POLN: variants seen among roughly 807,000 people sequenced by gnomAD.
The protein encoded by POLN is DNA polymerase nu.
Under a neutral mutation model 113.5 loss-of-function variants are expected in POLN, and 108 were observed. That is an observed-to-expected ratio of 0.95 (90% CI 0.81 to 1.12). The LOEUF is 1.12. Ranked by LOEUF, POLN falls within the 50% of genes most tolerant of loss-of-function variation. POLN has a pLI of 0.00. For synonymous variants in POLN, 386 were observed against 391.5 expected (o/e 0.99, Z 0.17); for missense variants, 1,097 against 1,077.1 (o/e 1.02, Z -0.26).
At chr4:2,239,131 C>A in intron 2 of POLN, 2 of 645,042 alleles carry the variant, frequency 3.1e-6, no homozygotes, top group East Asian at 2.9e-5. Flanking sequence ...CTTTAGGTGA[C>A]CAGATAATAA....
intron 11 of POLN, among the ~76,000 whole-genome samples, chr4:2,172,484 T>C (rs1434352684): frequency 3.9e-5 from 6 of 152,228 alleles, no homozygotes; most frequent in Admixed American, 6.5e-5. Flanking sequence ...AGAACACTTA[T>C]TGGCCTTTAG....
intron 7 of POLN, among the ~76,000 whole-genome samples, chr4:2,182,573 A>C (rs1395347365): frequency 1.3e-5 from 2 of 152,188 alleles, no homozygotes; most frequent in East Asian, 1.9e-4. Flanking sequence ...TAAGAAAATA[A>C]ATTTTTGTTT....
At chr4:2,177,206 A>G (rs1733018985) in intron 8 of POLN, 2 of 383,600 alleles carry the variant, frequency 5.2e-6, no homozygotes, top group Non-Finnish European at 1.0e-5. Flanking sequence ...CCTAGTTTGA[A>G]TACCCCCAGG....
intron 21 of POLN, among the ~76,000 whole-genome samples, chr4:2,082,015 C>T (rs566813572): frequency 3.7e-5 from 5 of 135,192 alleles, no homozygotes; most frequent in Admixed American, 8.3e-5. Context: ...AGTGCAGTGG[C>T]GAGATCTCAG....
At position 2,174,744 on chromosome 4, in the gene POLN, C is replaced by T; in HGVS notation, c.1256G>A (p.Gly419Asp). 2 of 1,601,732 alleles carry T rather than the reference C, an allele frequency of 1.2e-6. No individual in the cohort carries two copies. Among genetic ancestry groups the T allele is most frequent in the Non-Finnish European group, 1.7e-6 (2 of 1,169,698 alleles). The change falls in exon 10 of 26, where the codon GGT becomes GAT. Residue 419 changes from glycine (G) to aspartate (D), a missense_variant. Coordinates refer to ENST00000511885, the MANE Select transcript of POLN (RefSeq NM_181808.4). ...CAAAGTACGAAATAGTTGCCATAAA[C>T]CATAATCCTGTTTAATAGGAAGAAA... ...MDLCSKLKDY[G>D]LWQLFRTLEL...
At chr4:2,217,506 G>A (rs1020989707) in intron 3 of POLN, among the ~76,000 whole-genome samples, 2 of 152,232 alleles carry the variant, frequency 1.3e-5, no homozygotes, top group Non-Finnish European at 2.9e-5. Context: ...ACAGCTGCAT[G>A]CCCACCTCTC....
chr4:2,190,060 C>T (rs1456243545), intron 7 of POLN, among the ~76,000 whole-genome samples: 1 of 150,358 alleles, frequency 6.7e-6, no homozygotes, highest in Non-Finnish European at 1.5e-5. Flanking sequence ...GACAAAAATG[C>T]CTAAAATCTG....
At chr4:2,219,880 G>A (rs1012106960) in intron 3 of POLN, among the ~76,000 whole-genome samples, 2 of 152,136 alleles carry the variant, frequency 1.3e-5, no homozygotes, top group African/African-American at 2.4e-5. Flanking sequence ...AATCTTCATC[G>A]GGTTGTCAAA....
At chr4:2,076,919 G>A (rs1730289604) in intron 23 of POLN, 1 of 152,248 alleles carries the variant, frequency 6.6e-6, no homozygotes, top group South Asian at 2.1e-4. Context: ...GTGGGGCTGT[G>A]TCCTCAGCTA....
At chr4:2,171,328 G>A in intron 11 of POLN, 147 bp from the exon 12 acceptor site, 1 of 594,696 alleles carries the variant, frequency 1.7e-6, no homozygotes, top group Non-Finnish European at 2.9e-6. Context: ...TGAGGCAGGA[G>A]GATCACTTGA....
intron 25 of POLN, 82 bp from the exon 26 acceptor site, chr4:2,072,381 G>A: frequency 8.1e-7 from 1 of 1,227,822 alleles, no homozygotes; most frequent in Non-Finnish European, 1.1e-6. Context: ...AGGGGGACAG[G>A]GCCTACAGCA....
intron 16 of POLN, among the ~76,000 whole-genome samples, chr4:2,139,091 A>C (rs908678292): frequency 1.3e-5 from 2 of 152,012 alleles, no homozygotes; most frequent in African/African-American, 2.4e-5. Context: ...ACCACAACAA[A>C]TGGGCAGAGG....
At position 2,127,744 on chromosome 4, in the gene POLN, C is replaced by T. The variant is rs1168821808; in HGVS notation, c.1982+369G>A. Among the ~76,000 whole-genome samples the T allele has an allele frequency of 2.0e-5, 3 of 152,250 alleles. No homozygotes were observed. Among genetic ancestry groups the T allele is most frequent in the South Asian group, 2.1e-4 (1 of 4,836 alleles). ...AAGAAGCCCCTGGCCCACAGATGGG[C>T]TGGGGCGTGAGTACGCAGCAAGCAC... is the stretch of plus-strand genomic sequence containing the variant. On this transcript the variant is annotated intron_variant, in intron 19 of 25. Coordinates refer to ENST00000511885, the MANE Select transcript of POLN (RefSeq NM_181808.4). This position sits in a 1 kb window ranked among gnomAD's most constrained non-coding sequence, Gnocchi z 4.7.
In POLN at chr4:2,207,982, C is replaced by A; in HGVS notation, c.714+5G>T. The A allele has an allele frequency of 6.3e-7, 1 of 1,584,880 alleles. No individual in the cohort carries two copies. The highest frequency in any genetic ancestry group is 8.6e-7 in the Non-Finnish European group (1 of 1,169,528). On this transcript the variant is annotated splice_donor_5th_base_variant and intron_variant, in intron 5 of 25. Coordinates refer to ENST00000511885, the MANE Select transcript of POLN (RefSeq NM_181808.4). ...CAGCAAATAAAAACATCACTGTTTACTAACCTGGTCAGCTCCTAGCTGGGT... is the reference window on the plus strand; with the variant it reads ...CAGCAAATAAAAACATCACTGTTTAATAACCTGGTCAGCTCCTAGCTGGGT...
intron 13 of POLN, among the ~76,000 whole-genome samples, chr4:2,160,745 G>T: frequency 6.6e-6 from 1 of 152,120 alleles, no homozygotes; most frequent in East Asian, 1.9e-4. Context: ...CATAATTAGA[G>T]ATTTTTAATT....
At chr4:2,108,651 G>T (rs1731124770) in intron 19 of POLN, among the ~76,000 whole-genome samples, 1 of 152,100 alleles carries the variant, frequency 6.6e-6, no homozygotes, top group Non-Finnish European at 1.5e-5. Flanking sequence ...TACTTTTAGG[G>T]TAATTTTGTC....
In POLN at chr4:2,208,251, T is replaced by G; in HGVS notation, c.450A>C (p.Gly150=). The part of the protein sequence containing the change: ...LMENINNENK[G]SINLKRKHIT... ...TATGTTTTCTTTTAAGATTAATGCT[T>G]CCTTTATTTTCATTATTTATATTCT... is the stretch of plus-strand genomic sequence containing the variant. The change falls in exon 5 of 26, where the codon GGA becomes GGC. Residue 150 remains glycine (G), a synonymous_variant. Transcript: ENST00000511885. 6.3e-7 allele frequency: 1 copy of G among 1,585,592 alleles called. No homozygotes were observed. The highest frequency in any genetic ancestry group is 1.1e-5 in the South Asian group (1 of 87,774).
chr4:2,228,482 C>T (rs566712439), intron 3 of POLN: 4 of 194,492 alleles, frequency 2.1e-5, no homozygotes, highest in Admixed American at 6.3e-5. Flanking sequence ...GGACTACAGG[C>T]GCCTACCACC....
chr4:2,146,510 C>T (rs1048573348), intron 16 of POLN, among the ~76,000 whole-genome samples: 2 of 152,108 alleles, frequency 1.3e-5, no homozygotes, highest in African/African-American at 2.4e-5. Context: ...ATCTCAACAA[C>T]AACAACAAAA....
Sources: gnomAD v4.1 joint callset for allele counts (sites outside exome capture counted in the v4.1 genomes callset) on GRCh38, gnomAD v4.1.1 for gene constraint, Gnocchi (gnomAD v3.1) non-coding constraint, MANE v1.5 for transcripts, NCBI Gene and HGNC (gene_info 2026-07-23, HGNC 2026-07-21) for gene names.